Variants in DAB1 observed in about 807,000 individuals in gnomAD.
DAB1 encodes disabled homolog 1.
A neutral mutation model predicts 64.6 loss-of-function variants in DAB1; 15 were observed. The observed-to-expected ratio is 0.23, with a 90% CI of 0.16 to 0.36. The LOEUF is 0.36. DAB1 is among the 10% of genes least tolerant of loss of function. The pLI is 1.00. For synonymous variants in DAB1, 235 were observed against 251.9 expected, an observed-to-expected ratio of 0.93 and a Z score of 0.64; for missense variants, 596 against 706.7, an observed-to-expected ratio of 0.84 and a Z score of 1.78.
At chr1:57,951,441 T>C (rs968928605) in intron 5 of DAB1, among the ~76,000 whole-genome samples, 2 of 151,288 alleles carry the variant, frequency 1.3e-5, no homozygotes, top group African/African-American at 4.9e-5. Context: ...CACTGACTTA[T>C]CCAGTTGTTT....
intron 1 of DAB1, among the ~76,000 whole-genome samples, chr1:57,349,806 G>A (rs377750728): frequency 7.9e-5 from 12 of 152,178 alleles, no homozygotes; most frequent in East Asian, 5.8e-4. Flanking sequence ...CTCATTGGCA[G>A]TTTGTCCAAG....
At chr1:57,521,441 A>G (rs1480062354) in intron 7 of DAB1, among the ~76,000 whole-genome samples, 2 of 149,074 alleles carry the variant, frequency 1.3e-5, no homozygotes, top group Non-Finnish European at 2.9e-5. Context: ...GCTGAACGAC[A>G]AGTTTTTTTT....
chr1:57,731,127 A>G (rs781236633), intron 6 of DAB1, among the ~76,000 whole-genome samples: 13 of 152,254 alleles, frequency 8.5e-5, no homozygotes, highest in Non-Finnish European at 1.6e-4. Flanking sequence ...ACAATGAATT[A>G]CTATTCAGCC....
chr1:57,583,596 T>C (rs1645342120), intron 7 of DAB1, among the ~76,000 whole-genome samples: 1 of 152,086 alleles, frequency 6.6e-6, no homozygotes, highest in South Asian at 2.1e-4. Flanking sequence ...AGTTTCCTCT[T>C]ACATTAAATG....
intron 7 of DAB1, among the ~76,000 whole-genome samples, chr1:57,430,252 G>A (rs1356722041): frequency 1.3e-5 from 2 of 152,134 alleles, no homozygotes; most frequent in Non-Finnish European, 2.9e-5. Context: ...GATATTGTAA[G>A]TGGAATGAAG....
chr1:57,005,766 C>T (rs542340428), intron 14 of DAB1, among the ~76,000 whole-genome samples: 1 of 152,284 alleles, frequency 6.6e-6, no homozygotes, highest in East Asian at 1.9e-4. Flanking sequence ...GGTGCTATTA[C>T]ATGTGAATCT....
intron 5 of DAB1, among the ~76,000 whole-genome samples, chr1:57,909,312 C>G (rs142422935): frequency 6.4e-4 from 98 of 152,256 alleles, no homozygotes; most frequent in African/African-American, 2.2e-3. Flanking sequence ...TGCCCATTCC[C>G]AACTGATCAT....
At chr1:57,987,558 T>C (rs916687502) in intron 5 of DAB1, among the ~76,000 whole-genome samples, 1 of 152,190 alleles carries the variant, frequency 6.6e-6, no homozygotes, top group Admixed American at 6.5e-5. Context: ...TCCACTGTGG[T>C]ATGAAACCTT....
chr1:57,742,542 GC>G (rs1648052299), intron 6 of DAB1, among the ~76,000 whole-genome samples: 1 of 151,906 alleles, frequency 6.6e-6, no homozygotes, highest in East Asian at 1.9e-4. Flanking sequence ...CTGTAGGAGT[GC>G]CCCAAGCTAG....
chr1:58,293,606 C>T (rs755836025), intron 4 of DAB1, among the ~76,000 whole-genome samples: 11 of 152,108 alleles, frequency 7.2e-5, no homozygotes, highest in Non-Finnish European at 1.3e-4. Context: ...GGCAGGGTAA[C>T]CTTTAGATGA....
At chr1:57,696,880 G>A (rs1157736954) in intron 6 of DAB1, among the ~76,000 whole-genome samples, 1 of 152,076 alleles carries the variant, frequency 6.6e-6, no homozygotes, top group East Asian at 1.9e-4. Context: ...TTATCATTAT[G>A]ATACTACATG....
At chr1:57,105,380 G>A (rs1655049968) in intron 4 of DAB1, among the ~76,000 whole-genome samples, 1 of 151,330 alleles carries the variant, frequency 6.6e-6, no homozygotes, top group Non-Finnish European at 1.5e-5. Flanking sequence ...GCTTCCCAGT[G>A]TGTGGTGTGT....
intron 2 of DAB1, among the ~76,000 whole-genome samples, chr1:57,259,210 T>C (rs1669991239): frequency 6.6e-6 from 1 of 152,146 alleles, no homozygotes; most frequent in South Asian, 2.1e-4. Flanking sequence ...CTTTGGGTCA[T>C]TCAGCCAAGA....
At chr1:58,123,980 T>C (rs1266258268) in intron 5 of DAB1, among the ~76,000 whole-genome samples, 1 of 152,088 alleles carries the variant, frequency 6.6e-6, no homozygotes, top group Non-Finnish European at 1.5e-5. Context: ...ATTGTAGAAA[T>C]GATATAGACT....
At chr1:57,210,941 T>C (rs72919287) in intron 2 of DAB1, among the ~76,000 whole-genome samples, 2,441 of 152,302 alleles carry the variant, frequency 0.016, 55 homozygotes, top group African/African-American at 0.054. Flanking sequence ...CTTCATCATA[T>C]CAATTTCAAA....
At chr1:57,248,043 C>T (rs1283136678) in intron 2 of DAB1, among the ~76,000 whole-genome samples, 1 of 152,106 alleles carries the variant, frequency 6.6e-6, no homozygotes, top group African/African-American at 2.4e-5. Flanking sequence ...AGTTCCAGGA[C>T]CCTTGTGGAT....
chr1:57,472,371 AC>A (rs35167721), intron 7 of DAB1, among the ~76,000 whole-genome samples: 4 of 152,210 alleles, frequency 2.6e-5, no homozygotes, highest in African/African-American at 9.6e-5. Flanking sequence ...GGAGGAGACC[AC>A]CCCTCATATT....
chr1:57,500,123 G>A (rs1168117502), intron 7 of DAB1, among the ~76,000 whole-genome samples: 1 of 152,206 alleles, frequency 6.6e-6, no homozygotes, highest in African/African-American at 2.4e-5. Flanking sequence ...AGAGTGAGCT[G>A]AAAACCAGAC....
upstream of DAB1, among the ~76,000 whole-genome samples, chr1:57,428,814 A>G (rs1326191224): frequency 7.2e-6 from 1 of 139,124 alleles, no homozygotes; most frequent in African/African-American, 2.6e-5. Flanking sequence ...CTTCATTTGC[A>G]CCAACACTTC....
Sources: gnomAD v4.1 joint callset for allele counts (sites outside exome capture counted in the v4.1 genomes callset) on GRCh38, gnomAD v4.1.1 for gene constraint, MANE v1.5 for transcripts, NCBI Gene and HGNC (gene_info 2026-07-23, HGNC 2026-07-21) for gene names.